The following FBXW4 variants were observed in gnomAD, a reference collection of about 807,000 sequenced individuals.
The protein encoded by FBXW4 is F-box/WD repeat-containing protein 4.
In FBXW4, 40 loss-of-function variants were observed where a neutral mutation model predicts 61.8. That is an observed-to-expected ratio of 0.65 (90% CI 0.50 to 0.84). The LOEUF is 0.84. FBXW4 is among the 40% of genes least tolerant of loss of function. The probability of loss-of-function intolerance (pLI) is 0.00; values close to 1 mark genes in which losing one functional copy is unlikely to be tolerated. For missense variants in FBXW4, 672 were observed against 753.8 expected, an observed-to-expected ratio of 0.89 and a Z score of 1.27; for synonymous variants, 311 against 313.8, an observed-to-expected ratio of 0.99 and a Z score of 0.10.
At position 101,673,629 on chromosome 10, in the gene FBXW4, G is replaced by A; in HGVS notation, c.866C>T (p.Ser289Phe). 1 of 1,614,082 alleles carries A rather than the reference G, an allele frequency of 6.2e-7. No homozygotes were observed. Among genetic ancestry groups the A allele is most frequent in the South Asian group, 1.1e-5 (1 of 91,072 alleles). ...MQLEDDSLYI[S>F]QANFILAYQF... Reference sequence around the variant, plus strand: ...GTAGGCCAGGATGAAATTAGCCTGGGATATGTACAGAGAATCATCCTCTAG... The same window carrying A: ...GTAGGCCAGGATGAAATTAGCCTGGAATATGTACAGAGAATCATCCTCTAG... Residue 289 changes from serine to phenylalanine, a missense_variant, in exon 3 of 9, where the codon TCC (serine) becomes TTC (phenylalanine). Ser to Phe is a radical substitution (Grantham distance 155). Around this residue, in one of 5 missense-constraint regions of FBXW4, gnomAD observed 312 missense variants for 370.1 expected, o/e 0.84. Transcript: ENST00000331272.
intron 1 of FBXW4, among the ~76,000 whole-genome samples, chr10:101,678,058 C>A (rs776159963): frequency 6.6e-6 from 1 of 152,098 alleles, no homozygotes; most frequent in Non-Finnish European, 1.5e-5. Context: ...TGGTACAATT[C>A]ATTCAACTTT....
At chr10:101,652,412 G>A (rs551805619) in intron 5 of FBXW4, among the ~76,000 whole-genome samples, 6 of 151,988 alleles carry the variant, frequency 3.9e-5, no homozygotes, top group Non-Finnish European at 7.4e-5. Context: ...TGGGATCCAC[G>A]ATATTCCCTC....
chr10:101,690,391 C>T (rs550092313), intron 1 of FBXW4, among the ~76,000 whole-genome samples: 1 of 152,210 alleles, frequency 6.6e-6, no homozygotes, highest in African/African-American at 2.4e-5. Context: ...TCTATTCCAA[C>T]AGGCTTCATA....
intron 1 of FBXW4, among the ~76,000 whole-genome samples, chr10:101,680,180 C>T (rs572443780): frequency 6.6e-6 from 1 of 152,226 alleles, no homozygotes; most frequent in South Asian, 2.1e-4. Flanking sequence ...AGATTGCCAT[C>T]TCATACCACA....
chr10:101,642,835 G>A (rs918266880), intron 5 of FBXW4, among the ~76,000 whole-genome samples: 14 of 152,162 alleles, frequency 9.2e-5, no homozygotes, highest in African/African-American at 1.4e-4. Flanking sequence ...CACCATCAGC[G>A]CCACCAGGCC....
chr10:101,666,559 C>T (rs969780582), intron 5 of FBXW4, among the ~76,000 whole-genome samples: 7 of 152,044 alleles, frequency 4.6e-5, no homozygotes, highest in Admixed American at 6.5e-5. Flanking sequence ...CTGACTTAAA[C>T]CTAATGTTGG....
intron 5 of FBXW4, among the ~76,000 whole-genome samples, chr10:101,646,108 T>C (rs749264085): frequency 2.6e-4 from 39 of 152,318 alleles, no homozygotes; most frequent in Non-Finnish European, 3.5e-4. Context: ...AGAGCATCAA[T>C]TGGGATTCTT....
intron 1 of FBXW4, among the ~76,000 whole-genome samples, chr10:101,677,892 C>A (rs1465604856): frequency 1.3e-5 from 2 of 150,940 alleles, no homozygotes; most frequent in Non-Finnish European, 3.0e-5. Context: ...AAAAAAAAAC[C>A]CATAAACTAA....
chr10:101,627,654 G>A (rs2063918114), intron 5 of FBXW4, among the ~76,000 whole-genome samples: 1 of 152,192 alleles, frequency 6.6e-6, no homozygotes, highest in South Asian at 2.1e-4. Flanking sequence ...ACAGATACAA[G>A]GAGCAGAGGA....
chr10:101,651,281 T>C (rs1186790370), intron 5 of FBXW4, among the ~76,000 whole-genome samples: 1 of 151,678 alleles, frequency 6.6e-6, no homozygotes, highest in Non-Finnish European at 1.5e-5. Flanking sequence ...ATTACTCGCC[T>C]ACACTCTGGA....
intron 5 of FBXW4, among the ~76,000 whole-genome samples, chr10:101,655,677 C>T (rs6584438): frequency 0.73 from 110,255 of 151,816 alleles, 40,284 homozygotes; most frequent in East Asian, 0.96. Flanking sequence ...TGCAACAAGG[C>T]GGAAAATAGC....
At chr10:101,612,981 G>A (rs2063800426) in intron 6 of FBXW4, 1 of 152,520 alleles carries the variant, frequency 6.6e-6, no homozygotes, top group Non-Finnish European at 1.5e-5. Flanking sequence ...GGAGTCCCAG[G>A]AGATGTTAAA....
At chr10:101,670,101 C>T (rs534189734) in intron 4 of FBXW4, among the ~76,000 whole-genome samples, 10 of 152,066 alleles carry the variant, frequency 6.6e-5, no homozygotes, top group Non-Finnish European at 1.2e-4. Flanking sequence ...ACTGGTGATA[C>T]GCATCACAAC....
At chr10:101,640,007 T>C (rs2064037370) in intron 5 of FBXW4, among the ~76,000 whole-genome samples, 1 of 152,234 alleles carries the variant, frequency 6.6e-6, no homozygotes, top group Admixed American at 6.5e-5. Flanking sequence ...CTGCTCGGCT[T>C]CTCACCCAAC....
At chr10:101,654,436 C>T (rs888983089) in intron 5 of FBXW4, among the ~76,000 whole-genome samples, 19 of 151,790 alleles carry the variant, frequency 1.3e-4, no homozygotes, top group Non-Finnish European at 2.5e-4. Context: ...AAATGTAGGT[C>T]TATATATCCT....
At chr10:101,634,207 A>G (rs1018066444) in intron 5 of FBXW4, among the ~76,000 whole-genome samples, 1 of 151,618 alleles carries the variant, frequency 6.6e-6, no homozygotes, top group Non-Finnish European at 1.5e-5. Context: ...CTAACAAAAA[A>G]AACAAGAGAA....
At chr10:101,672,566 A>G (rs1036094617) in intron 4 of FBXW4, among the ~76,000 whole-genome samples, 4 of 152,170 alleles carry the variant, frequency 2.6e-5, no homozygotes, top group African/African-American at 9.7e-5. Context: ...AGGCAAAAGG[A>G]GGGAGATTTT....
chr10:101,648,505 CG>C (rs1181209819), intron 5 of FBXW4, among the ~76,000 whole-genome samples: 2 of 152,076 alleles, frequency 1.3e-5, no homozygotes, highest in African/African-American at 4.8e-5. Flanking sequence ...ACATGAGCTC[CG>C]GGGCTGCAGC....
chr10:101,689,688 A>G (rs2064572238), intron 1 of FBXW4, among the ~76,000 whole-genome samples: 1 of 152,232 alleles, frequency 6.6e-6, no homozygotes, highest in African/African-American at 2.4e-5. Flanking sequence ...ATCTCCATTC[A>G]GGGTTAGGAA....
Sources: gnomAD v4.1 joint callset for allele counts (sites outside exome capture counted in the v4.1 genomes callset) on GRCh38, gnomAD v4.1.1 for gene constraint, gnomAD v4.1.1 regional missense constraint, MANE v1.5 for transcripts, NCBI Gene and HGNC (gene_info 2026-07-23, HGNC 2026-07-21) for gene names.